The following GALNTL6 variants were observed in gnomAD, a reference collection of about 807,000 sequenced individuals.
GALNTL6 encodes the protein polypeptide N-acetylgalactosaminyltransferase like 6, also known as polypeptide N-acetylgalactosaminyltransferase-like 6.
GALNTL6 carries 46 observed loss-of-function variants against 73.7 expected under a neutral mutation model. The observed-to-expected ratio is 0.62, with a 90% CI of 0.49 to 0.80. The LOEUF is 0.80. GALNTL6 is among the 30% of genes least tolerant of loss of function. GALNTL6 has a pLI of 0.00. For synonymous variants in GALNTL6, 259 were observed against 263.7 expected (o/e 0.98, Z 0.17); for missense variants, 604 against 755.0 (o/e 0.80, Z 2.34).
chr4:172,916,486 A>G (rs901839437), intron 8 of GALNTL6, among the ~76,000 whole-genome samples: 4 of 152,210 alleles, frequency 2.6e-5, no homozygotes, highest in African/African-American at 9.7e-5. Context: ...ATGATTGTAT[A>G]TTTAGAAAAC....
intron 12 of GALNTL6, among the ~76,000 whole-genome samples, chr4:173,025,488 A>G (rs1043241963): frequency 4.6e-5 from 7 of 152,130 alleles, no homozygotes; most frequent in African/African-American, 1.4e-4. Flanking sequence ...TTCTATAGCC[A>G]GCCCCTGCCT....
chr4:172,629,397 CAT>C (rs1425209010), intron 5 of GALNTL6, among the ~76,000 whole-genome samples: 1 of 152,054 alleles, frequency 6.6e-6, no homozygotes, highest in African/African-American at 2.4e-5. Flanking sequence ...CAGAATTTCT[CAT>C]GTGAGAATCG....
In GALNTL6 at chr4:172,242,516, G is replaced by A. The variant is rs146164944; in HGVS notation, c.247+12752G>A. ...GTGAACTCAACGTTTTTAAAAAGCT[G>A]GTTTCAACTGTTCTATATGATCTAT... On this transcript the variant is annotated intron_variant, in intron 3 of 12. Transcript: ENST00000506823. Among the ~76,000 whole-genome samples the A allele has an allele frequency of 3.3e-3, 500 of 151,984 alleles. 3 individuals carry two copies. The highest frequency in any genetic ancestry group is 0.011 in the African/African-American group (450 of 41,456).
chr4:172,257,070 T>G (rs1237547936), intron 3 of GALNTL6, among the ~76,000 whole-genome samples: 2 of 151,324 alleles, frequency 1.3e-5, no homozygotes, highest in African/African-American at 4.8e-5. Flanking sequence ...TGTTCACATT[T>G]TTTTCCTAGA....
chr4:172,275,793 T>C (rs991417880), intron 3 of GALNTL6, among the ~76,000 whole-genome samples: 1 of 151,976 alleles, frequency 6.6e-6, no homozygotes, highest in African/African-American at 2.4e-5. Context: ...CCCGTCTCTA[T>C]TATAAATACA....
intron 8 of GALNTL6, among the ~76,000 whole-genome samples, chr4:172,898,291 TACACACACACACAC>T (rs5741949): frequency 8.2e-4 from 121 of 147,410 alleles, no homozygotes; most frequent in African/African-American, 2.8e-3. Context: ...TATACTTTAT[TACACACACACACAC>T]ACACACACAC....
At chr4:172,495,020 C>T (rs1290708894) in intron 5 of GALNTL6, among the ~76,000 whole-genome samples, 2 of 152,152 alleles carry the variant, frequency 1.3e-5, no homozygotes, top group African/African-American at 4.8e-5. Context: ...ATGGAGGCGC[C>T]TGGTAGCTAG....
At chr4:172,147,391 G>T (rs150305562) in intron 2 of GALNTL6, among the ~76,000 whole-genome samples, 2,241 of 152,324 alleles carry the variant, frequency 0.015, 20 homozygotes, top group Middle Eastern at 0.017. Flanking sequence ...CATGGGTTTG[G>T]CCATGAAATT....
At chr4:172,025,303 C>G (rs187377995) in intron 2 of GALNTL6, among the ~76,000 whole-genome samples, 178 of 152,044 alleles carry the variant, frequency 1.2e-3, no homozygotes, top group Non-Finnish European at 2.3e-3. Flanking sequence ...CATAAAACAA[C>G]AAGTACGGCA....
chr4:172,859,235 T>G (rs988071136), intron 7 of GALNTL6, among the ~76,000 whole-genome samples: 2 of 152,148 alleles, frequency 1.3e-5, no homozygotes, highest in Non-Finnish European at 2.9e-5. Flanking sequence ...AACAGCAAGT[T>G]CCAGAGGCCT....
chr4:172,415,989 C>T (rs1415084252), intron 5 of GALNTL6, among the ~76,000 whole-genome samples: 2 of 152,096 alleles, frequency 1.3e-5, no homozygotes, highest in Admixed American at 6.6e-5. Flanking sequence ...TTTTCTTTAA[C>T]TCCTACTTTT....
chr4:173,001,618 C>A (rs1752049325), intron 10 of GALNTL6, among the ~76,000 whole-genome samples: 1 of 152,192 alleles, frequency 6.6e-6, no homozygotes, highest in African/African-American at 2.4e-5. Flanking sequence ...AGTCATATAT[C>A]TGATAAGGGA....
At chr4:172,926,252 A>C (rs1170358769) in intron 8 of GALNTL6, among the ~76,000 whole-genome samples, 1 of 152,080 alleles carries the variant, frequency 6.6e-6, no homozygotes, top group Non-Finnish European at 1.5e-5. Flanking sequence ...TGAGAACTCT[A>C]CCCTCATAAC....
chr4:172,834,133 A>T (rs898984840), intron 7 of GALNTL6, among the ~76,000 whole-genome samples: 1 of 152,176 alleles, frequency 6.6e-6, no homozygotes, highest in African/African-American at 2.4e-5. Context: ...CAATAAAAAT[A>T]AAAATAAACT....
intron 5 of GALNTL6, among the ~76,000 whole-genome samples, chr4:172,416,193 T>C (rs998206210): frequency 1.3e-5 from 2 of 152,160 alleles, no homozygotes; most frequent in African/African-American, 4.8e-5. Context: ...AGCACAACAT[T>C]AGACGTAGGT....
At chr4:172,666,716 A>G (rs975049951) in intron 5 of GALNTL6, 2 of 152,170 alleles carry the variant, frequency 1.3e-5, no homozygotes, top group African/African-American at 4.8e-5. Context: ...ACATATTCCC[A>G]TTGCAATGCC....
chr4:171,941,270 C>T (rs1204910646), intron 2 of GALNTL6, among the ~76,000 whole-genome samples: 2 of 152,088 alleles, frequency 1.3e-5, no homozygotes, highest in Non-Finnish European at 2.9e-5. Flanking sequence ...TTACAGGTGT[C>T]GCATGCTATT....
intron 5 of GALNTL6, among the ~76,000 whole-genome samples, chr4:172,649,015 G>A (rs1327806039): frequency 6.6e-6 from 1 of 152,094 alleles, no homozygotes; most frequent in Non-Finnish European, 1.5e-5. Flanking sequence ...TAATTTAATA[G>A]TTAACAATTT....
chr4:171,998,573 T>TG (rs1189439875), intron 2 of GALNTL6, among the ~76,000 whole-genome samples: 1 of 152,088 alleles, frequency 6.6e-6, no homozygotes, highest in Non-Finnish European at 1.5e-5. Flanking sequence ...ATATAAACGT[T>TG]GGGGGACACA....
Sources: allele counts gnomAD v4.1 joint callset (sites outside exome capture counted in the v4.1 genomes callset), GRCh38; gene constraint gnomAD v4.1.1; transcripts MANE v1.5; gene names NCBI Gene and HGNC (gene_info 2026-07-23, HGNC 2026-07-21).